The following DGAT2 variants were observed in gnomAD, a reference collection of about 807,000 sequenced individuals.
The protein encoded by DGAT2 is diacylglycerol O-acyltransferase 2.
Under a neutral mutation model 48.4 loss-of-function variants are expected in DGAT2, and 33 were observed. The ratio of observed to expected loss-of-function variants is 0.68; its 90% CI spans 0.52 to 0.91. The LOEUF is 0.91. Among genes scored for constraint, DGAT2 ranks in the 40% least tolerant of loss-of-function variants. DGAT2 has a pLI of 0.00. For missense variants in DGAT2, 446 were observed against 493.7 expected, an observed-to-expected ratio of 0.90 and a Z score of 0.92; for synonymous variants, 191 against 194.1, an observed-to-expected ratio of 0.98 and a Z score of 0.13.
chr11:75,770,281 T>C (rs1020038493), intron 1 of DGAT2, among the ~76,000 whole-genome samples: 3 of 152,216 alleles, frequency 2.0e-5, no homozygotes, highest in African/African-American at 2.4e-5. Flanking sequence ...TACCACACTT[T>C]AACTGTGACC....
At chr11:75,797,962 A>G (rs1818656366) in intron 6 of DGAT2, among the ~76,000 whole-genome samples, 1 of 152,196 alleles carries the variant, frequency 6.6e-6, no homozygotes, top group Non-Finnish European at 1.5e-5. Context: ...AAGAGGTGGA[A>G]AACAGGCATT....
rs1039429874 is a variant in DGAT2 at position 75,798,149 on chromosome 11, G to A, written c.810-78G>A. On this transcript the variant is annotated intron_variant, in intron 6 of 7. Transcript: ENST00000228027. Reference sequence around the variant, plus strand: ...GCTGGGGGAGGGGGATGCTTGGCCAGTGTCCAGGGCCTCTAGGCTGACATA... The same window carrying A: ...GCTGGGGGAGGGGGATGCTTGGCCAATGTCCAGGGCCTCTAGGCTGACATA... 21 of 1,474,950 alleles carry A rather than the reference G, an allele frequency of 1.4e-5. No individual in the cohort carries two copies. In the Admixed American group the frequency reaches 3.5e-4, roughly 25 times the overall value. The allele number at this position is 1,474,950 out of a possible 1,614,324, so 91.4% of individuals were successfully genotyped here. A position where few individuals can be genotyped will look rare whatever the true frequency, so the allele number is the denominator to read the frequency against.
intron 1 of DGAT2, among the ~76,000 whole-genome samples, chr11:75,772,236 C>A (rs764993605): frequency 3.3e-5 from 5 of 152,184 alleles, no homozygotes; most frequent in African/African-American, 1.2e-4. Flanking sequence ...GATTAGAGCA[C>A]TAAGATCCCC....
rs774432683 is a variant in DGAT2, at chr11:75,790,738, T to G, written c.429+7T>G. On this transcript the variant is annotated splice_region_variant and intron_variant, in intron 4 of 7. Transcript: ENST00000228027. ...AGACTACTTTCCCATCCAGGTAAAGTGCTGTGAGTGTTGTTTTGGGAGGGT... is the reference window on the plus strand; with the variant it reads ...AGACTACTTTCCCATCCAGGTAAAGGGCTGTGAGTGTTGTTTTGGGAGGGT... 1 of 1,614,086 alleles carries G rather than the reference T, an allele frequency of 6.2e-7. No individual in the cohort carries two copies. Among genetic ancestry groups the G allele is most frequent in the East Asian group, 2.2e-5 (1 of 44,874 alleles).
intron 1 of DGAT2, among the ~76,000 whole-genome samples, chr11:75,779,185 T>C (rs894126421): frequency 6.6e-6 from 1 of 152,168 alleles, no homozygotes; most frequent in Non-Finnish European, 1.5e-5. Context: ...TGAGAACTGC[T>C]TGAAAGCACA....
At chr11:75,787,820 A>G (rs36068379) in intron 2 of DGAT2, among the ~76,000 whole-genome samples, 15 of 152,172 alleles carry the variant, frequency 9.9e-5, no homozygotes, top group Non-Finnish European at 1.3e-4. Context: ...TGGGAGTCCA[A>G]TGAGGGAGGC....
Position 75,777,216 on chromosome 11 carries a change from C to G in DGAT2, c.122-7402C>G, listed in dbSNP as rs1944811651. Among the ~76,000 whole-genome samples the G allele has an allele frequency of 2.0e-5, 3 of 151,826 alleles. No homozygotes were observed. The South Asian group carries it at 6.2e-4, about 32-fold the overall frequency. On this transcript the variant is annotated intron_variant, in intron 1 of 7. Coordinates refer to ENST00000228027, the MANE Select transcript of DGAT2 (RefSeq NM_032564.5). ...AGCTGGCATCTTTCTGGCTCTCTCACATTGATGCCAGACATTCTGGCCCTT... is the reference window on the plus strand; with the variant it reads ...AGCTGGCATCTTTCTGGCTCTCTCAGATTGATGCCAGACATTCTGGCCCTT...
intron 4 of DGAT2, among the ~76,000 whole-genome samples, chr11:75,791,822 G>A (rs975746714): frequency 1.3e-5 from 2 of 152,176 alleles, no homozygotes; most frequent in African/African-American, 4.8e-5. Context: ...GGCTGTGCTG[G>A]GCATGGGGAC....
chr11:75,796,199 G>A (rs568714502), intron 4 of DGAT2, 129 bp from the exon 5 acceptor site: 1 of 760,262 alleles, frequency 1.3e-6, no homozygotes, highest in South Asian at 1.6e-5. Flanking sequence ...AAGGTGTGGA[G>A]ATTCATTGCA....
In DGAT2 at chr11:75,788,332, G is replaced by A. The variant is rs78953062; in HGVS notation, c.251-1856G>A. Among the ~76,000 whole-genome samples, 158 of 152,312 alleles carry A rather than the reference G, an allele frequency of 1.0e-3. 1 individual carries two copies. In the East Asian group the frequency reaches 0.028, roughly 27 times the overall value. On this transcript the variant is annotated intron_variant, in intron 2 of 7. Transcript: ENST00000228027. ...AGACATAGCTATTCACCAAGCTACC[G>A]TAAGCTTTTCACAGTTTGCTTTTAA...
At chr11:75,779,014 T>A (rs965364699) in intron 1 of DGAT2, among the ~76,000 whole-genome samples, 5 of 152,114 alleles carry the variant, frequency 3.3e-5, no homozygotes, top group Non-Finnish European at 7.4e-5. Context: ...GGGTTGGGGC[T>A]CAGACACTGC....
chr11:75,801,297 A>G lies in DGAT2; in HGVS notation c.*789A>G, dbSNP rs1316572109. 3 of 152,528 alleles carry G rather than the reference A, an allele frequency of 2.0e-5. No individual in the cohort carries two copies. The allele number at this position is 152,528 out of a possible 1,614,324, so 9.4% of individuals were successfully genotyped here. A position where few individuals can be genotyped will look rare whatever the true frequency, so the allele number is the denominator to read the frequency against. On this transcript the variant is annotated 3_prime_UTR_variant, in exon 8 of 8. Transcript: ENST00000228027. ...TCAGTTTACCTTCCCCAGATCCTAG[A>G]TTCTGGATGTGAGGAAGAGATCCCT... is the stretch of plus-strand genomic sequence containing the variant.
chr11:75,797,679 G>A (rs1428870126), intron 6 of DGAT2, among the ~76,000 whole-genome samples: 1 of 152,222 alleles, frequency 6.6e-6, no homozygotes, highest in African/African-American at 2.4e-5. Context: ...CTGGGGGACA[G>A]CAGCTGTTTT....
chr11:75,798,251 C>T lies in DGAT2; in HGVS notation c.834C>T (p.Ser278=). The stretch of plus-strand genomic sequence containing the variant: ...GAGCTGACCTGGTTCCCATCTACTC[C>T]TTTGGAGAGAATGAAGTGTACAAGC... ...RHGADLVPIY[S]FGENEVYKQV... is the part of the protein sequence containing the mutation. Residue 278 remains serine (S), a synonymous_variant, in exon 7 of 8, where the codon TCC becomes TCT. Transcript: ENST00000228027. 6.2e-7 allele frequency: 1 copy of T among 1,614,190 alleles called. No homozygotes were observed. Among genetic ancestry groups the T allele is most frequent in the South Asian group, 1.1e-5 (1 of 91,084 alleles).
intron 1 of DGAT2, among the ~76,000 whole-genome samples, chr11:75,774,734 C>A (rs1944788730): frequency 6.6e-6 from 1 of 152,150 alleles, no homozygotes; most frequent in South Asian, 2.1e-4. Flanking sequence ...AGGTAAGTGC[C>A]CCAGAAGAAC....
chr11:75,791,380 T>A (rs557696114), intron 4 of DGAT2, among the ~76,000 whole-genome samples: 2 of 152,322 alleles, frequency 1.3e-5, no homozygotes, highest in South Asian at 4.1e-4. Flanking sequence ...CTAAGCCCAG[T>A]CTTCCCGGGA....
chr11:75,769,231 T>G (rs1378328397), intron 1 of DGAT2, 119 bp downstream of exon 1: 2 of 1,260,408 alleles, frequency 1.6e-6, no homozygotes, highest in Non-Finnish European at 2.1e-6. Context: ...ACTCATCAAT[T>G]TTTACGACCT....
chr11:75,790,133 C>A, intron 2 of DGAT2, 55 bp from the exon 3 acceptor site: 3 of 1,308,116 alleles, frequency 2.3e-6, no homozygotes, highest in East Asian at 2.3e-5. Flanking sequence ...TCCACCATGG[C>A]CCAGAGGGGA....
intron 1 of DGAT2, among the ~76,000 whole-genome samples, chr11:75,779,236 CAT>C (rs1944835851): frequency 6.6e-6 from 1 of 152,308 alleles, no homozygotes; most frequent in African/African-American, 2.4e-5. Context: ...AGAACATCCA[CAT>C]GAGACTTTGA....
Sources: allele counts gnomAD v4.1 joint callset (sites outside exome capture counted in the v4.1 genomes callset), GRCh38; gene constraint gnomAD v4.1.1; transcripts MANE v1.5; gene names NCBI Gene and HGNC (gene_info 2026-07-23, HGNC 2026-07-21).